The following ZZEF1 variants were observed in gnomAD, a reference collection of about 807,000 sequenced individuals.
ZZEF1 encodes the protein zinc finger ZZ-type and EF-hand domain-containing protein 1.
In ZZEF1, 157 loss-of-function variants were observed where a neutral mutation model predicts 342.8. The observed-to-expected ratio is 0.46, with a 90% confidence interval of 0.40 to 0.52. The LOEUF is 0.52. Ranked by LOEUF, ZZEF1 falls within the 20% of genes least tolerant of loss-of-function variation. The pLI is 0.00. For synonymous variants in ZZEF1, 1,505 were observed against 1,429.1 expected (o/e 1.05, Z -1.20); for missense variants, 3,480 against 3,725.6 (o/e 0.93, Z 1.72).
rs574267617 is a variant in ZZEF1, at chr17:4,061,879, GCTTTT to G, written c.4883+869_4883+873del. 6.2e-3 allele frequency among the ~76,000 whole-genome samples: 950 copies of G among 152,156 alleles called. 6 individuals are homozygous for G. The highest frequency in any genetic ancestry group is 9.4e-3 in the Non-Finnish European group (637 of 67,998). ...GGACTACTGCCACAGACTCCTAACT[GCTTTT>G]CTTATTTCCACCTCTTTTCACACAG... is the stretch of plus-strand genomic sequence containing the variant. On this transcript the variant is annotated intron_variant, in intron 30 of 54. Coordinates refer to ENST00000381638, the MANE Select transcript of ZZEF1 (RefSeq NM_015113.4).
Position 4,085,778 on chromosome 17 carries a change from A to G in ZZEF1, c.2538T>C (p.Ser846=), listed in dbSNP as rs762301658. The change falls in exon 16 of 55, where the codon TCT becomes TCC. Residue 846 remains serine (S), a synonymous_variant. Transcript: ENST00000381638. Reference sequence around the variant, plus strand: ...CTTGTTTTAGTATCTCCATGGGCACAGAGTCTCCATCCACCTTGTCCACCA... The same window carrying G: ...CTTGTTTTAGTATCTCCATGGGCACGGAGTCTCCATCCACCTTGTCCACCA... The part of the protein sequence containing the change: ...CDVVDKVDGD[S]VPMEILKQEV... The G allele has an allele frequency of 2.5e-6, 4 of 1,614,142 alleles. No homozygotes were observed. The highest frequency in any genetic ancestry group is 3.4e-6 in the Non-Finnish European group (4 of 1,179,988).
intron 36 of ZZEF1, among the ~76,000 whole-genome samples, chr17:4,050,186 C>A (rs1408061602): frequency 1.3e-5 from 2 of 152,238 alleles, no homozygotes; most frequent in African/African-American, 4.8e-5. Flanking sequence ...CTGCTCAATT[C>A]TCACTGGCAA....
chr17:4,097,757 C>T lies in ZZEF1; in HGVS notation c.1673-1057G>A, dbSNP rs910034300. ...TGTATTTTATGAATTCTCCTTAGAACTGTTTGTAACATCTTACTGGTTCCC... is the reference window on the plus strand; with the variant it reads ...TGTATTTTATGAATTCTCCTTAGAATTGTTTGTAACATCTTACTGGTTCCC... On this transcript the variant is annotated intron_variant, in intron 9 of 54. Transcript: ENST00000381638. Among the ~76,000 whole-genome samples the T allele has an allele frequency of 2.0e-5, 3 of 151,902 alleles. No individual in the cohort carries two copies. The South Asian group carries it at 6.2e-4, about 31-fold the overall frequency.
chr17:4,089,621 C>T (rs1035780058), intron 12 of ZZEF1, among the ~76,000 whole-genome samples: 1 of 136,610 alleles, frequency 7.3e-6, no homozygotes, highest in African/African-American at 2.8e-5. Flanking sequence ...CTCCTCCACA[C>T]ACTGTAGCAT....
chr17:4,007,021 C>G (rs369211939), intron 54 of ZZEF1, 51 bp from the exon 55 acceptor site: 9 of 1,485,618 alleles, frequency 6.1e-6, no homozygotes, highest in Admixed American at 2.0e-5. Flanking sequence ...CTCCCTCATT[C>G]AGTGAGTGCT....
chr17:4,125,708 TGAATG>T (rs1296028453), intron 1 of ZZEF1, among the ~76,000 whole-genome samples: 2 of 151,848 alleles, frequency 1.3e-5, no homozygotes, highest in African/African-American at 4.8e-5. Context: ...CAAAAAGAAA[TGAATG>T]GAAGAGATCA....
Position 4,014,533 on chromosome 17 carries a change from A to T in ZZEF1, c.8146-18T>A, listed in dbSNP as rs1331298253. On this transcript the variant is annotated intron_variant, in intron 49 of 54. Coordinates refer to ENST00000381638, the MANE Select transcript of ZZEF1 (RefSeq NM_015113.4). This position sits in a 1 kb window ranked among gnomAD's most constrained non-coding sequence, Gnocchi z 4.4. ...ACTTTATCCTAGGGAGGGGAAATGG[A>T]GAACACATCTGTCGATGCTGCTCAC... The T allele has an allele frequency of 1.2e-6, 2 of 1,613,790 alleles. No individual in the cohort carries two copies. Among genetic ancestry groups the T allele is most frequent in the Non-Finnish European group, 1.7e-6 (2 of 1,179,788 alleles).
rs2058536818 is a variant in ZZEF1, at chr17:4,124,165, G to A, written c.355-114C>T. The A allele has an allele frequency of 1.5e-6, 2 of 1,319,466 alleles. 1 individual carries two copies. Among genetic ancestry groups the A allele is most frequent in the African/African-American group, 3.0e-5 (2 of 66,922 alleles). The allele number at this position is 1,319,466 out of a possible 1,614,324, so 81.7% of individuals were successfully genotyped here. A position where few individuals can be genotyped will look rare whatever the true frequency, so the allele number is the denominator to read the frequency against. On this transcript the variant is annotated intron_variant, in intron 1 of 54. Transcript: ENST00000381638. Reference sequence around the variant, plus strand: ...GGTGATTTATTTATTTTTGGTTGCAGAGAGAAGAGTCCATATGTATCAACC... The same window carrying A: ...GGTGATTTATTTATTTTTGGTTGCAAAGAGAAGAGTCCATATGTATCAACC...
At chr17:4,125,014 G>A (rs1326266973) in intron 1 of ZZEF1, among the ~76,000 whole-genome samples, 1 of 152,120 alleles carries the variant, frequency 6.6e-6, no homozygotes, top group African/African-American at 2.4e-5. Flanking sequence ...AACCTCACAG[G>A]CTGCTGCCTG....
At chr17:4,076,564 G>C in intron 21 of ZZEF1, 73 bp downstream of exon 21, 1 of 1,551,668 alleles carries the variant, frequency 6.4e-7, no homozygotes, top group Non-Finnish European at 8.7e-7. Flanking sequence ...GCAGTCCGTG[G>C]TCCACTTCAC....
At position 4,064,791 on chromosome 17, in the gene ZZEF1, A is replaced by G. The variant is rs2057358833; in HGVS notation, c.4288T>C (p.Phe1430Leu). ...TTTGAACTTATGCCCGTGGGCAGAA[A>G]TTTTAGTAATAGAAGACTCTTCTCA... ...CIEKSLLLLK[F>L]LPTGISSKES... is the part of the protein sequence containing the mutation. Residue 1430 changes from phenylalanine (F) to leucine (L), a missense_variant, in exon 29 of 55, where the codon TTT (phenylalanine) becomes CTT (leucine). This residue lies in a region of ZZEF1 where 1,528 missense variants were observed against 1,624.1 expected (regional missense o/e 0.94). Coordinates refer to ENST00000381638, the MANE Select transcript of ZZEF1 (RefSeq NM_015113.4). 6.3e-7 allele frequency: 1 copy of G among 1,589,250 alleles called. No homozygotes were observed. The highest frequency in any genetic ancestry group is 8.6e-7 in the Non-Finnish European group (1 of 1,167,074).
At chr17:4,105,232 C>T (rs1275303775) in intron 7 of ZZEF1, among the ~76,000 whole-genome samples, 1 of 152,172 alleles carries the variant, frequency 6.6e-6, no homozygotes, top group Non-Finnish European at 1.5e-5. Flanking sequence ...GGCTCAGGGA[C>T]TGGTTTGACC....
chr17:4,029,080 C>G (rs2056479556), intron 42 of ZZEF1, among the ~76,000 whole-genome samples: 1 of 152,176 alleles, frequency 6.6e-6, no homozygotes, highest in African/African-American at 2.4e-5. Context: ...AGTAAGGGCA[C>G]AGAAGACTTG....
intron 1 of ZZEF1, among the ~76,000 whole-genome samples, chr17:4,141,490 G>A (rs1391797236): frequency 6.6e-6 from 1 of 152,144 alleles, no homozygotes; most frequent in Non-Finnish European, 1.5e-5. Flanking sequence ...GGTGTTAAAA[G>A]AAATAGGATC....
Position 4,105,819 on chromosome 17 carries a change from GAAAATGT to G in ZZEF1, c.1278-17_1278-11del. 1.3e-6 allele frequency: 2 copies of G among 1,589,928 alleles called. No homozygotes were observed. The highest frequency in any genetic ancestry group is 2.3e-5 in the East Asian group (1 of 44,400). ...GTGCCGCAGCGCCTTCCTAGAAGAG[GAAAATGT>G]AAAATGTAATCAGAACAAAACCAGA... is the stretch of plus-strand genomic sequence containing the variant. On this transcript the variant is annotated splice_polypyrimidine_tract_variant and intron_variant, in intron 6 of 54. Transcript: ENST00000381638.
Position 4,085,783 on chromosome 17 carries a change from C to G in ZZEF1, c.2533G>C (p.Asp845His). Residue 845 changes from aspartate (D) to histidine (H), a missense_variant, in exon 16 of 55, where the codon GAC (aspartate) becomes CAC (histidine). By Grantham distance (81) the Asp-to-His change is moderately conservative. Coordinates refer to ENST00000381638, the MANE Select transcript of ZZEF1 (RefSeq NM_015113.4). ...TTTAGTATCTCCATGGGCACAGAGT[C>G]TCCATCCACCTTGTCCACCACTGAT... ...LCDVVDKVDG[D>H]SVPMEILKQE... The G allele has an allele frequency of 6.2e-7, 1 of 1,614,096 alleles. No homozygotes were observed. Among genetic ancestry groups the G allele is most frequent in the Non-Finnish European group, 8.5e-7 (1 of 1,179,990 alleles).
chr17:4,028,146 A>T (rs1466599382), intron 42 of ZZEF1, among the ~76,000 whole-genome samples: 1 of 152,184 alleles, frequency 6.6e-6, no homozygotes, highest in Non-Finnish European at 1.5e-5. Context: ...ACCATTTCAC[A>T]TATAGTGTCA....
chr17:4,139,479 C>T (rs1357668745), intron 1 of ZZEF1, among the ~76,000 whole-genome samples: 1 of 152,236 alleles, frequency 6.6e-6, no homozygotes, highest in African/African-American at 2.4e-5. Context: ...ACAAGCCCTT[C>T]ATCTTGCAGT....
At chr17:4,122,605 C>A (rs1567860973) in intron 2 of ZZEF1, among the ~76,000 whole-genome samples, 1 of 152,194 alleles carries the variant, frequency 6.6e-6, no homozygotes, top group Non-Finnish European at 1.5e-5. Flanking sequence ...GTTTTGAACT[C>A]CCGACCTCAG....
Sources: allele counts gnomAD v4.1 joint callset (sites outside exome capture counted in the v4.1 genomes callset), GRCh38; gene constraint gnomAD v4.1.1; regional missense constraint gnomAD v4.1.1; non-coding constraint Gnocchi (gnomAD v3.1); transcripts MANE v1.5; gene names NCBI Gene and HGNC (gene_info 2026-07-23, HGNC 2026-07-21).